Variants in PLPPR5 observed in about 807,000 individuals in gnomAD.
PLPPR5 encodes the protein phospholipid phosphatase-related protein type 5.
PLPPR5 carries 16 observed loss-of-function variants against 33.9 expected under a neutral mutation model. That is an observed-to-expected ratio of 0.47 (90% CI 0.32 to 0.72). The LOEUF is 0.72. Among genes scored for constraint, PLPPR5 ranks in the 30% least tolerant of loss-of-function variants. PLPPR5 has a pLI of 0.03. For synonymous variants in PLPPR5, 163 were observed against 150.3 expected (o/e 1.08, Z -0.62); for missense variants, 301 against 406.7 (o/e 0.74, Z 2.23).
rs544616597 is a variant in PLPPR5, at chr1:98,968,069, G to A, written c.238-11328C>T. 3.3e-5 allele frequency among the ~76,000 whole-genome samples: 5 copies of A among 152,154 alleles called. No homozygotes were observed. The South Asian group carries it at 6.2e-4, about 19-fold the overall frequency. The stretch of plus-strand genomic sequence containing the variant: ...ATTCTTTTTAAATGACAAAAAGCTG[G>A]TGAAACCATTAACAAACACTTCCCT... On this transcript the variant is annotated intron_variant, in intron 1 of 5. Coordinates refer to ENST00000263177, the MANE Select transcript of PLPPR5 (RefSeq NM_001037317.2).
At chr1:98,905,196 T>A (rs914024594) in intron 5 of PLPPR5, among the ~76,000 whole-genome samples, 4 of 152,180 alleles carry the variant, frequency 2.6e-5, no homozygotes, top group Non-Finnish European at 5.9e-5. Flanking sequence ...TGGAAGGTAC[T>A]CAATTGCTTA....
intron 3 of PLPPR5, among the ~76,000 whole-genome samples, chr1:98,940,475 T>C (rs1307172981): frequency 1.3e-5 from 2 of 151,856 alleles, no homozygotes; most frequent in Non-Finnish European, 1.5e-5. Flanking sequence ...ATTTAGTCCA[T>C]AACTGGAGGG....
At chr1:98,900,490 G>C (rs1159462000) in intron 5 of PLPPR5, among the ~76,000 whole-genome samples, 1 of 151,916 alleles carries the variant, frequency 6.6e-6, no homozygotes, top group African/African-American at 2.4e-5. Flanking sequence ...ATAGTGCTCT[G>C]TATTTAATAT....
chr1:98,913,303 A>G (rs1045229853), intron 5 of PLPPR5, among the ~76,000 whole-genome samples: 6 of 152,210 alleles, frequency 3.9e-5, no homozygotes, highest in African/African-American at 1.4e-4. Context: ...AGTATCAACT[A>G]TTTTATCAAT....
chr1:98,927,840 G>C (rs190862784), intron 3 of PLPPR5, among the ~76,000 whole-genome samples: 36 of 152,064 alleles, frequency 2.4e-4, no homozygotes, highest in African/African-American at 8.4e-4. Context: ...CCTTCCCCTA[G>C]GTTGGTGGTA....
chr1:98,981,145 A>C (rs1652049127), intron 1 of PLPPR5, among the ~76,000 whole-genome samples: 1 of 152,072 alleles, frequency 6.6e-6, no homozygotes, highest in South Asian at 2.1e-4. Context: ...AATTGGTCAC[A>C]GAAATAGAAT....
At chr1:98,927,078 T>G (rs2101169751) in intron 3 of PLPPR5, among the ~76,000 whole-genome samples, 1 of 152,312 alleles carries the variant, frequency 6.6e-6, no homozygotes, top group Admixed American at 6.5e-5. Context: ...CCAGGGTTGG[T>G]AATGGTGGTA....
chr1:98,986,792 C>T (rs987138596), intron 1 of PLPPR5, among the ~76,000 whole-genome samples: 9 of 151,674 alleles, frequency 5.9e-5, no homozygotes, highest in Admixed American at 3.3e-4. Flanking sequence ...AAAATTTGGT[C>T]CTCTGTTACA....
intron 3 of PLPPR5, among the ~76,000 whole-genome samples, chr1:98,931,909 G>C (rs544310687): frequency 1.3e-5 from 2 of 152,296 alleles, no homozygotes; most frequent in South Asian, 4.1e-4. Context: ...ATCACATCTT[G>C]AACTAGAGTC....
intron 1 of PLPPR5, among the ~76,000 whole-genome samples, chr1:98,970,390 C>CT (rs766555666): frequency 1.2e-4 from 18 of 151,980 alleles, no homozygotes; most frequent in Non-Finnish European, 1.9e-4. Context: ...ATGTGAAACT[C>CT]TAACAGCTTG....
intron 4 of PLPPR5, among the ~76,000 whole-genome samples, chr1:98,919,785 A>G (rs1649479509): frequency 6.6e-6 from 1 of 152,178 alleles, no homozygotes. Context: ...TACGTAGGGT[A>G]AAAGGAACTG....
chr1:98,972,408 A>T (rs1158335391), intron 1 of PLPPR5, among the ~76,000 whole-genome samples: 1 of 152,070 alleles, frequency 6.6e-6, no homozygotes, highest in African/African-American at 2.4e-5. Context: ...ATCTCAATCA[A>T]GTTTTCTTTC....
intron 3 of PLPPR5, among the ~76,000 whole-genome samples, chr1:98,944,589 A>G (rs1650489845): frequency 6.6e-6 from 1 of 152,218 alleles, no homozygotes; most frequent in Non-Finnish European, 1.5e-5. Context: ...CTAGTCTCCA[A>G]AGCTGTGAGA....
chr1:98,929,636 G>T (rs1557672840), intron 3 of PLPPR5, among the ~76,000 whole-genome samples: 1 of 152,156 alleles, frequency 6.6e-6, no homozygotes, highest in Admixed American at 6.5e-5. Flanking sequence ...CACAAAGGCC[G>T]ATTGATGGTT....
intron 1 of PLPPR5, among the ~76,000 whole-genome samples, chr1:98,988,680 TA>T (rs1312722587): frequency 1.3e-5 from 2 of 152,120 alleles, no homozygotes; most frequent in African/African-American, 4.8e-5. Context: ...ATTGACACTA[TA>T]AATTAGGACA....
chr1:98,963,885 C>T (rs888983698), intron 1 of PLPPR5, among the ~76,000 whole-genome samples: 1 of 152,174 alleles, frequency 6.6e-6, no homozygotes, highest in Non-Finnish European at 1.5e-5. Flanking sequence ...ATACCAAAAA[C>T]ATTCACATCA....
rs1335094852 is a variant in PLPPR5 at position 98,893,106 on chromosome 1, T to G, written c.934-2A>C. 1.2e-6 allele frequency: 2 copies of G among 1,610,862 alleles called. No homozygotes were observed. The highest frequency in any genetic ancestry group is 1.7e-6 in the Non-Finnish European group (2 of 1,178,156). On this transcript the variant is annotated splice_acceptor_variant, in intron 5 of 5. Coordinates refer to ENST00000263177, the MANE Select transcript of PLPPR5 (RefSeq NM_001037317.2). LOFTEE classifies it high-confidence loss of function. ...TTCTGCGAAGGCAGTGATGTGGTTC[T>G]GCAAAAAGAAAAAGGAATGACAAAG...
chr1:98,995,668 A>T (rs1652607767), intron 1 of PLPPR5, among the ~76,000 whole-genome samples: 1 of 152,052 alleles, frequency 6.6e-6, no homozygotes, highest in Non-Finnish European at 1.5e-5. Context: ...CCAGAATCCC[A>T]CTGTGGCTGT....
At chr1:98,957,601 T>C (rs1651062280) in intron 1 of PLPPR5, among the ~76,000 whole-genome samples, 1 of 152,128 alleles carries the variant, frequency 6.6e-6, no homozygotes, top group Non-Finnish European at 1.5e-5. Flanking sequence ...TTTAAAATCA[T>C]ATTAATACTT....
Sources: gnomAD v4.1 joint callset for allele counts (sites outside exome capture counted in the v4.1 genomes callset) on GRCh38, gnomAD v4.1.1 for gene constraint, MANE v1.5 for transcripts, NCBI Gene and HGNC (gene_info 2026-07-23, HGNC 2026-07-21) for gene names.